Variants in PAPPA2 observed in about 807,000 individuals in gnomAD.
The protein encoded by PAPPA2 is pappalysin-2.
In PAPPA2, 86 loss-of-function variants were observed where a neutral mutation model predicts 176.4. The ratio of observed to expected loss-of-function variants is 0.49; its 90% CI spans 0.41 to 0.58. The LOEUF is 0.58. Among genes scored for constraint, PAPPA2 ranks in the 20% least tolerant of loss-of-function variants. The pLI, the probability that PAPPA2 is intolerant of heterozygous loss-of-function variation, is 0.00. For synonymous variants in PAPPA2, 809 were observed against 852.2 expected (o/e 0.95, Z 0.88); for missense variants, 2,073 against 2,256.9 (o/e 0.92, Z 1.65).
chr1:176,644,940 T>A (rs572124851), intron 3 of PAPPA2, among the ~76,000 whole-genome samples: 1 of 151,910 alleles, frequency 6.6e-6, no homozygotes, highest in Non-Finnish European at 1.5e-5. Context: ...GTACTTCTGA[T>A]TTTATTTAAT....
rs1667538998 is a variant in PAPPA2, at chr1:176,842,919, TG to T, written c.*467del. ...CTTTCAGAGCTTGTCTGCTCTCAACTGGCTCTTTTTCTTTTTGTGTAGTTTC... is the reference window on the plus strand; with the variant it reads ...CTTTCAGAGCTTGTCTGCTCTCAACTGCTCTTTTTCTTTTTGTGTAGTTTC... On this transcript the variant is annotated 3_prime_UTR_variant, in exon 23 of 23. Coordinates refer to ENST00000367662, the MANE Select transcript of PAPPA2 (RefSeq NM_020318.3). The T allele has an allele frequency of 6.6e-6, 1 of 152,258 alleles. No homozygotes were observed. The highest frequency in any genetic ancestry group is 1.5e-5 in the Non-Finnish European group (1 of 68,186). The allele number at this position is 152,258 out of a possible 1,614,324, so 9.4% of individuals were successfully genotyped here.
intron 3 of PAPPA2, chr1:176,616,741 T>C: frequency 7.7e-7 from 1 of 1,295,066 alleles, no homozygotes; most frequent in Admixed American, 1.7e-5. Flanking sequence ...GGAAATCTCA[T>C]GTTCTTGTAT....
intron 17 of PAPPA2, among the ~76,000 whole-genome samples, chr1:176,773,043 CCTCCACCCA>C (rs1664303489): frequency 2.0e-5 from 3 of 152,002 alleles, no homozygotes; most frequent in Admixed American, 1.3e-4. Context: ...AAAAACGAGG[CCTCCACCCA>C]GAACTCTGGG....
intron 3 of PAPPA2, among the ~76,000 whole-genome samples, chr1:176,643,057 A>T (rs945394749): frequency 2.0e-5 from 3 of 151,942 alleles, no homozygotes; most frequent in African/African-American, 4.8e-5. Flanking sequence ...AAAATTAACA[A>T]TAACAAGGAA....
chr1:176,535,697 T>C (rs1342879565), intron 1 of PAPPA2, among the ~76,000 whole-genome samples: 1 of 152,222 alleles, frequency 6.6e-6, no homozygotes, highest in Non-Finnish European at 1.5e-5. Context: ...ATCTCAGTGA[T>C]ATCACATACT....
intron 3 of PAPPA2, among the ~76,000 whole-genome samples, chr1:176,620,678 T>C (rs545915783): frequency 5.9e-5 from 9 of 152,322 alleles, no homozygotes; most frequent in African/African-American, 2.2e-4. Context: ...AGAGCTTTAG[T>C]TTCCCAACCC....
In PAPPA2 at chr1:176,709,967, C is replaced by T; in HGVS notation, c.3458-16C>T. ...ATGAAAACACTTTTTCTGTGTCACA[C>T]AATATTTCTTGGCAGGAGAGCCAAG... On this transcript the variant is annotated splice_polypyrimidine_tract_variant and intron_variant, in intron 10 of 22. Transcript: ENST00000367662. 6.3e-7 allele frequency: 1 copy of T among 1,587,284 alleles called. No individual in the cohort carries two copies. The highest frequency in any genetic ancestry group is 8.6e-7 in the Non-Finnish European group (1 of 1,166,566).
intron 21 of PAPPA2, among the ~76,000 whole-genome samples, chr1:176,835,461 T>A (rs891453725): frequency 6.6e-6 from 1 of 152,228 alleles, no homozygotes; most frequent in Non-Finnish European, 1.5e-5. Context: ...CCAACAACAG[T>A]GTGAAAGGGT....
Position 176,475,235 on chromosome 1 carries a change from C to A in PAPPA2, c.-917+11817C>A, listed in dbSNP as rs184221146. ...TGAGAAAGCCACACTGTCATTTGCT[C>A]CTGGCTGGCACAGAGTAGGTGGTCA... On this transcript the variant is annotated intron_variant, in intron 1 of 22. Transcript: ENST00000367662. Among the ~76,000 whole-genome samples, 7 of 152,272 alleles carry A rather than the reference C, an allele frequency of 4.6e-5. No individual in the cohort carries two copies. The East Asian group carries it at 1.3e-3, about 29-fold the overall frequency.
intron 3 of PAPPA2, among the ~76,000 whole-genome samples, chr1:176,624,582 G>C (rs79206826): frequency 6.7e-4 from 102 of 151,890 alleles, no homozygotes; most frequent in African/African-American, 2.4e-3. Context: ...CTAAATTCTC[G>C]TTATTTTCCA....
chr1:176,531,792 A>C (rs1486861856), intron 1 of PAPPA2, among the ~76,000 whole-genome samples: 1 of 152,222 alleles, frequency 6.6e-6, no homozygotes, highest in East Asian at 1.9e-4. Context: ...AGATCAGTTA[A>C]AAAATTTAAA....
At chr1:176,617,078 T>C (rs1655305219) in intron 3 of PAPPA2, among the ~76,000 whole-genome samples, 1 of 152,192 alleles carries the variant, frequency 6.6e-6, no homozygotes, top group African/African-American at 2.4e-5. Context: ...TTCAACACTT[T>C]TGTGTCCAGG....
intron 9 of PAPPA2, among the ~76,000 whole-genome samples, chr1:176,704,457 A>T (rs1025654102): frequency 6.6e-6 from 1 of 152,182 alleles, no homozygotes; most frequent in Non-Finnish European, 1.5e-5. Context: ...GGGCCCTGAA[A>T]TTATAAACAG....
intron 1 of PAPPA2, among the ~76,000 whole-genome samples, chr1:176,511,497 G>C (rs551199119): frequency 3.9e-5 from 6 of 152,138 alleles, no homozygotes; most frequent in Admixed American, 6.6e-5. Flanking sequence ...ACTTCTGTTC[G>C]ACACTCGTTG....
At chr1:176,473,687 A>G (rs1451511780) in intron 1 of PAPPA2, among the ~76,000 whole-genome samples, 1 of 152,208 alleles carries the variant, frequency 6.6e-6, no homozygotes, top group Non-Finnish European at 1.5e-5. Context: ...CATCCTCACC[A>G]GCATTTGGCA....
At chr1:176,735,681 T>TATCTATC (rs1662368281) in intron 12 of PAPPA2, among the ~76,000 whole-genome samples, 1 of 1,318 alleles carries the variant, frequency 7.6e-4, no homozygotes, top group South Asian at 0.018. Flanking sequence ...TCTCAGAATC[T>TATCTATC]ATCTATCTAT....
intron 2 of PAPPA2, among the ~76,000 whole-genome samples, chr1:176,560,551 A>G (rs942959167): frequency 1.1e-4 from 17 of 152,174 alleles, no homozygotes; most frequent in African/African-American, 4.1e-4. Flanking sequence ...CCTCTGTAAG[A>G]GTAGCTAGTC....
At chr1:176,757,407 C>T (rs1324949506) in intron 14 of PAPPA2, among the ~76,000 whole-genome samples, 11 of 152,070 alleles carry the variant, frequency 7.2e-5, no homozygotes, top group East Asian at 3.9e-4. Context: ...TTCTAACTGG[C>T]GTGAGATGGT....
Position 176,473,571 on chromosome 1 carries a change from T to C in PAPPA2, c.-917+10153T>C, listed in dbSNP as rs560361611. 1.2e-4 allele frequency among the ~76,000 whole-genome samples: 18 copies of C among 152,320 alleles called. 1 individual carries two copies. The highest frequency in any genetic ancestry group is 3.8e-4 in the African/African-American group (16 of 41,584). On this transcript the variant is annotated intron_variant, in intron 1 of 22. Coordinates refer to ENST00000367662, the MANE Select transcript of PAPPA2 (RefSeq NM_020318.3). ...AAAAAAATGTAATTGCTGGATTGTA[T>C]GGTAAGGGTATGTTTAGTTTTGTTA...
Sources: allele counts gnomAD v4.1 joint callset (sites outside exome capture counted in the v4.1 genomes callset), GRCh38; gene constraint gnomAD v4.1.1; transcripts MANE v1.5; gene names NCBI Gene and HGNC (gene_info 2026-07-23, HGNC 2026-07-21).